The following APOBEC3F variants were observed in gnomAD, a reference collection of about 807,000 sequenced individuals.
The protein encoded by APOBEC3F is apolipoprotein B mRNA editing enzyme catalytic subunit 3F.
APOBEC3F carries 34 observed loss-of-function variants against 45.8 expected under a neutral mutation model. The ratio of observed to expected loss-of-function variants is 0.74; its 90% CI spans 0.57 to 0.99. The LOEUF (loss-of-function observed/expected upper bound fraction) is 0.99. APOBEC3F is among the 50% of genes least tolerant of loss of function. APOBEC3F has a pLI of 0.00. For synonymous variants in APOBEC3F, 192 were observed against 174.4 expected, an observed-to-expected ratio of 1.10 and a Z score of -0.80; for missense variants, 459 against 474.1, an observed-to-expected ratio of 0.97 and a Z score of 0.30.
rs917764662 is a variant in APOBEC3F at position 39,053,335 on chromosome 22, G to C, written c.*640G>C. 4.6e-5 allele frequency: 7 copies of C among 151,834 alleles called. No individual in the cohort carries two copies. The highest frequency in any genetic ancestry group is 1.7e-4 in the African/African-American group (7 of 41,334). The allele number at this position is 151,834 out of a possible 1,614,324, so 9.4% of individuals were successfully genotyped here. A position where few individuals can be genotyped will look rare whatever the true frequency, so the allele number is the denominator to read the frequency against. On this transcript the variant is annotated 3_prime_UTR_variant, in exon 7 of 7. Transcript: ENST00000308521. ...ATTAAACTCACCCTAGGCTGGCCGCGGTGACTCATGCCTATAATCCCCCAG... is the reference window on the plus strand; with the variant it reads ...ATTAAACTCACCCTAGGCTGGCCGCCGTGACTCATGCCTATAATCCCCCAG...
Position 39,052,130 on chromosome 22 carries a change from C to G in APOBEC3F, c.780C>G (p.Asp260Glu), listed in dbSNP as rs548011103. ...AERCFLSWFCDDILSPNTNYE... is the reference protein window; with the variant it reads ...AERCFLSWFCEDILSPNTNYE... ...GGTGCTTCCTCTCTTGGTTCTGTGA[C>G]GACATACTGTCTCCTAACACAAACT... Residue 260 changes from aspartate to glutamate, a missense_variant, in exon 6 of 7, where the codon GAC becomes GAG. Transcript: ENST00000308521. 23 of 1,613,614 alleles carry G rather than the reference C, an allele frequency of 1.4e-5. No homozygotes were observed. The highest frequency in any genetic ancestry group is 1.7e-4 in the Middle Eastern group (1 of 6,052).
At position 39,052,620 on chromosome 22, in the gene APOBEC3F, G is replaced by A; in HGVS notation, c.1047G>A (p.Glu349=). The A allele has an allele frequency of 6.2e-7, 1 of 1,613,968 alleles. No homozygotes were observed. The highest frequency in any genetic ancestry group is 8.5e-7 in the Non-Finnish European group (1 of 1,179,954). ...AAAACTTTGTGTACAATGATGATGA[G>A]CCATTCAAGCCTTGGAAAGGACTAA... ...CWENFVYNDD[E]PFKPWKGLKY... is the part of the protein sequence containing the mutation. Residue 349 remains glutamate, a synonymous_variant, in exon 7 of 7, where the codon GAG becomes GAA. Transcript: ENST00000308521.
At chr22:39,048,619 A>T (rs1360065335) in intron 4 of APOBEC3F, among the ~76,000 whole-genome samples, 1 of 151,846 alleles carries the variant, frequency 6.6e-6, no homozygotes, top group Non-Finnish European at 1.5e-5. Flanking sequence ...CATCCTGGCT[A>T]ACATGATGAA....
rs1926993839 is a variant in APOBEC3F, at chr22:39,042,978, A to G, written c.59A>G (p.Asn20Ser). Reference sequence around the variant, plus strand: ...ATGTATCGAGACACATTCTCCTACAACTTTTATAATAGACCCATCCTTTCT... The same window carrying G: ...ATGTATCGAGACACATTCTCCTACAGCTTTTATAATAGACCCATCCTTTCT... ...ERMYRDTFSY[N>S]FYNRPILSRR... Residue 20 changes from asparagine to serine, a missense_variant, in exon 2 of 7, where the codon AAC (asparagine) becomes AGC (serine). Asn to Ser is a conservative substitution (Grantham distance 46). Coordinates refer to ENST00000308521, the MANE Select transcript of APOBEC3F (RefSeq NM_145298.6). The G allele has an allele frequency of 6.2e-7, 1 of 1,613,976 alleles. No individual in the cohort carries two copies. The highest frequency in any genetic ancestry group is 1.3e-5 in the African/African-American group (1 of 74,908).
At chr22:39,043,414 C>T (rs567504313) in intron 2 of APOBEC3F, among the ~76,000 whole-genome samples, 3 of 151,364 alleles carry the variant, frequency 2.0e-5, no homozygotes, top group African/African-American at 7.3e-5. Flanking sequence ...GATGCTGTCG[C>T]CTAAGACTCC....
At chr22:39,050,418 TC>T (rs1461473042) in intron 5 of APOBEC3F, among the ~76,000 whole-genome samples, 3 of 150,786 alleles carry the variant, frequency 2.0e-5, no homozygotes, top group African/African-American at 7.3e-5. Context: ...GGAGATTTTT[TC>T]AGAGTGTGTT....
At chr22:39,047,018 G>T (rs1269797779) in intron 4 of APOBEC3F, among the ~76,000 whole-genome samples, 1 of 152,114 alleles carries the variant, frequency 6.6e-6, no homozygotes, top group Non-Finnish European at 1.5e-5. Context: ...TGCAAGACAG[G>T]GTGGCCGGGG....
intron 4 of APOBEC3F, 148 bp from the exon 5 acceptor site, chr22:39,049,277 C>A: frequency 2.0e-6 from 2 of 999,964 alleles, no homozygotes; most frequent in Non-Finnish European, 2.9e-6. Context: ...CCCCTGCCAG[C>A]ATCCCCTCCT....
Position 39,045,168 on chromosome 22 carries a change from G to C in APOBEC3F, c.399G>C (p.Ala133=). The change falls in exon 3 of 7, where the codon GCG becomes GCC. Residue 133 remains alanine (A), a synonymous_variant. Coordinates refer to ENST00000308521, the MANE Select transcript of APOBEC3F (RefSeq NM_145298.6). The part of the protein sequence containing the change: ...YYYWERDYRR[A]LCRLSQAGAR... ...ACTGGGAAAGAGATTACCGAAGGGCGCTCTGCAGGCTGAGTCAGGCAGGGG... is the reference window on the plus strand; with the variant it reads ...ACTGGGAAAGAGATTACCGAAGGGCCCTCTGCAGGCTGAGTCAGGCAGGGG... 1 of 1,614,158 alleles carries C rather than the reference G, an allele frequency of 6.2e-7. No individual in the cohort carries two copies. The highest frequency in any genetic ancestry group is 8.5e-7 in the Non-Finnish European group (1 of 1,180,032).
At chr22:39,050,874 G>A (rs1927451306) in intron 5 of APOBEC3F, among the ~76,000 whole-genome samples, 1 of 152,176 alleles carries the variant, frequency 6.6e-6, no homozygotes, top group African/African-American at 2.4e-5. Context: ...CCCGGTTAAC[G>A]GATGCCTGGG....
At position 39,052,720 on chromosome 22, in the gene APOBEC3F, T is replaced by C. The variant is rs35580576; in HGVS notation, c.*25T>C. ...AGGGGTCTCCCCGGGCCTCATGGTC[T>C]GTCTCCTCTAGCCTCCTGCTCATGT... is the stretch of plus-strand genomic sequence containing the variant. On this transcript the variant is annotated 3_prime_UTR_variant, in exon 7 of 7. Coordinates refer to ENST00000308521, the MANE Select transcript of APOBEC3F (RefSeq NM_145298.6). 1.2e-6 allele frequency: 2 copies of C among 1,602,060 alleles called. No homozygotes were observed. Among genetic ancestry groups the C allele is most frequent in the East Asian group, 4.5e-5 (2 of 44,828 alleles).
intron 5 of APOBEC3F, 77 bp from the exon 6 acceptor site, chr22:39,051,997 T>C (rs1424256022): frequency 6.3e-7 from 1 of 1,575,294 alleles, no homozygotes; most frequent in African/African-American, 1.3e-5. Context: ...GCCCGCCCTC[T>C]GCTCCCATCG....
At chr22:39,050,374 C>G (rs1208486825) in intron 5 of APOBEC3F, among the ~76,000 whole-genome samples, 2 of 146,568 alleles carry the variant, frequency 1.4e-5, no homozygotes, top group African/African-American at 2.5e-5. Context: ...CCTGTCGTGT[C>G]CCACCCAACC....
intron 5 of APOBEC3F, among the ~76,000 whole-genome samples, chr22:39,051,536 C>CAAAAAAAAAAAAAAA (rs35583360): frequency 9.6e-6 from 1 of 104,542 alleles, no homozygotes. Context: ...GACTCAGTAT[C>CAAAAAAAAAAAAAAA]AAAAAAAAAA....
At position 39,040,895 on chromosome 22, in the gene APOBEC3F, C is replaced by A; in HGVS notation, c.-66C>A. On this transcript the variant is annotated 5_prime_UTR_variant, in exon 1 of 7. Coordinates refer to ENST00000308521, the MANE Select transcript of APOBEC3F (RefSeq NM_145298.6). ...GGGAGGGCTGTCCTGAAACCTGGAG[C>A]CTGGAGCAGAAAGTGAAACCCTGGT... The A allele has an allele frequency of 6.4e-7, 1 of 1,552,830 alleles. No homozygotes were observed. Among genetic ancestry groups the A allele is most frequent in the Admixed American group, 2.0e-5 (1 of 51,042 alleles).
At chr22:39,045,683 T>C (rs1406356051) in intron 4 of APOBEC3F, 141 bp downstream of exon 4, 9 of 1,459,374 alleles carry the variant, frequency 6.2e-6, no homozygotes, top group Non-Finnish European at 7.4e-6. Flanking sequence ...CCACACTCCT[T>C]GTGCTCCTTC....
chr22:39,042,699 C>T (rs1239601373), intron 1 of APOBEC3F, among the ~76,000 whole-genome samples: 5 of 152,256 alleles, frequency 3.3e-5, no homozygotes, highest in East Asian at 1.9e-4. Flanking sequence ...ACTCCTGGAA[C>T]GACCAGAGCT....
chr22:39,049,715 T>A, intron 5 of APOBEC3F, 134 bp downstream of exon 5: 1 of 1,100,378 alleles, frequency 9.1e-7, no homozygotes, highest in South Asian at 1.6e-5. Context: ...TTTTTTTTTT[T>A]TTGAGACAGA....
At position 39,044,287 on chromosome 22, in the gene APOBEC3F, C is replaced by T; in HGVS notation, c.172-654C>T. 6 of 1,542,638 alleles carry T rather than the reference C, an allele frequency of 3.9e-6. No homozygotes were observed. The South Asian group carries it at 7.5e-5, about 19-fold the overall frequency. ...GCCTGGGAGAATGGATGCCAGAATT[C>T]ACGCATGAGGCTCTGAACAGGGCTG... On this transcript the variant is annotated intron_variant, in intron 2 of 6. Transcript: ENST00000308521.
Sources: gnomAD v4.1 joint callset for allele counts (sites outside exome capture counted in the v4.1 genomes callset) on GRCh38, gnomAD v4.1.1 for gene constraint, MANE v1.5 for transcripts, NCBI Gene and HGNC (gene_info 2026-07-23, HGNC 2026-07-21) for gene names.